The following FOXJ3 variants were observed in gnomAD, a reference collection of about 807,000 sequenced individuals.
FOXJ3 encodes forkhead box protein J3.
Under a neutral mutation model 76.1 loss-of-function variants are expected in FOXJ3, and 22 were observed. The ratio of observed to expected loss-of-function variants is 0.29; its 90% CI spans 0.21 to 0.41. The LOEUF (loss-of-function observed/expected upper bound fraction) is 0.41. FOXJ3 is among the 10% of genes least tolerant of loss of function. The probability of loss-of-function intolerance (pLI) is 1.00; values close to 1 mark genes in which losing one functional copy is unlikely to be tolerated. For synonymous variants in FOXJ3, 269 were observed against 261.2 expected (o/e 1.03, Z -0.29); for missense variants, 613 against 762.1 (o/e 0.80, Z 2.30).
intron 1 of FOXJ3, among the ~76,000 whole-genome samples, chr1:42,331,100 A>T (rs1656133078): frequency 6.6e-6 from 1 of 152,042 alleles, no homozygotes; most frequent in Non-Finnish European, 1.5e-5. Context: ...AAGAAACTTG[A>T]CCAGGCGCGG....
At chr1:42,205,884 A>G (rs781435711) in intron 5 of FOXJ3, 21 bp from the exon 6 acceptor site, 2 of 1,403,082 alleles carry the variant, frequency 1.4e-6, no homozygotes, top group South Asian at 2.4e-5. Flanking sequence ...AGAACAAAAT[A>G]AATAATTATT....
intron 4 of FOXJ3, among the ~76,000 whole-genome samples, chr1:42,230,711 T>C (rs1178121810): frequency 2.0e-5 from 3 of 152,256 alleles, no homozygotes; most frequent in East Asian, 1.9e-4. Context: ...TCAACCTGTA[T>C]TGGCAAGCAC....
intron 12 of FOXJ3, 51 bp from the exon 13 acceptor site, chr1:42,179,876 A>C (rs1305655580): frequency 1.8e-6 from 2 of 1,131,162 alleles, no homozygotes; most frequent in South Asian, 2.5e-5. Flanking sequence ...GAAGAAAGTA[A>C]GAAATAAACT....
At chr1:42,200,097 C>A (rs966298715) in intron 6 of FOXJ3, among the ~76,000 whole-genome samples, 13 of 150,994 alleles carry the variant, frequency 8.6e-5, no homozygotes, top group Non-Finnish European at 5.9e-5. Flanking sequence ...CATGGACTCT[C>A]TACAAAGGTC....
intron 6 of FOXJ3, 89 bp downstream of exon 6, chr1:42,205,673 G>T: frequency 1.3e-6 from 1 of 766,498 alleles, no homozygotes; most frequent in South Asian, 1.7e-5. Flanking sequence ...TCTTTAAACT[G>T]AACCATATAG....
chr1:42,317,514 TAAA>T (rs11365048), intron 1 of FOXJ3, among the ~76,000 whole-genome samples: 1,291 of 106,370 alleles, frequency 0.012, 19 homozygotes, highest in African/African-American at 0.041. Flanking sequence ...AGAGAAACCA[TAAA>T]AAAAAAAAAA....
chr1:42,277,362 TAAA>T (rs111348093), intron 3 of FOXJ3, among the ~76,000 whole-genome samples: 21 of 147,510 alleles, frequency 1.4e-4, no homozygotes, highest in Non-Finnish European at 2.8e-4. Flanking sequence ...TGTCTCTAAT[TAAA>T]AAAAAAAAAA....
chr1:42,245,402 A>G (rs1268156004), intron 4 of FOXJ3, among the ~76,000 whole-genome samples: 1 of 152,198 alleles, frequency 6.6e-6, no homozygotes, highest in Non-Finnish European at 1.5e-5. Context: ...TCTGATGTTC[A>G]CAGACACAAA....
chr1:42,300,452 C>T (rs1570197721), intron 2 of FOXJ3, among the ~76,000 whole-genome samples: 1 of 152,010 alleles, frequency 6.6e-6, no homozygotes, highest in East Asian at 1.9e-4. Flanking sequence ...CCTTCATGTA[C>T]AAAGCTTATT....
intron 1 of FOXJ3, among the ~76,000 whole-genome samples, chr1:42,327,347 C>T (rs1655898981): frequency 6.6e-6 from 1 of 152,198 alleles, no homozygotes; most frequent in Admixed American, 6.5e-5. Flanking sequence ...TAACAGTCTG[C>T]TCCATCCTCA....
At chr1:42,308,004 C>A (rs977657037) in intron 2 of FOXJ3, among the ~76,000 whole-genome samples, 52 of 152,166 alleles carry the variant, frequency 3.4e-4, no homozygotes, top group African/African-American at 1.1e-3. Flanking sequence ...TTTTAATTCA[C>A]TTACTAACTA....
At chr1:42,223,883 C>G (rs1042647542) in intron 5 of FOXJ3, among the ~76,000 whole-genome samples, 7 of 152,218 alleles carry the variant, frequency 4.6e-5, no homozygotes, top group Non-Finnish European at 1.0e-4. Context: ...ACAGCACAAA[C>G]TGTGAAGGCA....
chr1:42,242,352 G>T (rs1649209501), intron 4 of FOXJ3, among the ~76,000 whole-genome samples: 1 of 151,742 alleles, frequency 6.6e-6, no homozygotes, highest in Non-Finnish European at 1.5e-5. Context: ...CAAATAAACA[G>T]TACAAAGAAA....
chr1:42,307,708 A>C (rs1466961913), intron 2 of FOXJ3, among the ~76,000 whole-genome samples: 1 of 152,224 alleles, frequency 6.6e-6, no homozygotes, highest in Admixed American at 6.5e-5. Context: ...TTAAAATTAC[A>C]GAGTATACTT....
chr1:42,199,826 A>C (rs1195715300), intron 6 of FOXJ3, among the ~76,000 whole-genome samples: 1 of 151,812 alleles, frequency 6.6e-6, no homozygotes, highest in African/African-American at 2.4e-5. Context: ...AGGATTCCTG[A>C]AGACTTTTAC....
At chr1:42,324,093 A>ATATATAG in intron 1 of FOXJ3, among the ~76,000 whole-genome samples, 1 of 126,840 alleles carries the variant, frequency 7.9e-6, no homozygotes, top group African/African-American at 3.3e-5. Flanking sequence ...TATATACTGT[A>ATATATAG]TATATACTGT....
Position 42,240,877 on chromosome 1 carries a change from T to C in FOXJ3, c.445-12911A>G, listed in dbSNP as rs116478869. ...AATTTATCAAAATTGCAAACTTGTT[T>C]TGTCAACAGACACTATTAAGAAAGT... On this transcript the variant is annotated intron_variant, in intron 4 of 12. Transcript: ENST00000361346. Among the ~76,000 whole-genome samples, 1,085 of 152,356 alleles carry C rather than the reference T, an allele frequency of 7.1e-3. 21 individuals carry two copies. The highest frequency in any genetic ancestry group is 0.025 in the African/African-American group (1,048 of 41,576).
At chr1:42,327,951 T>G (rs1371402104) in intron 1 of FOXJ3, among the ~76,000 whole-genome samples, 1 of 152,170 alleles carries the variant, frequency 6.6e-6, no homozygotes, top group Non-Finnish European at 1.5e-5. Flanking sequence ...TCTACATTGA[T>G]TTGAAGACAA....
At chr1:42,214,271 G>A (rs897983398) in intron 5 of FOXJ3, among the ~76,000 whole-genome samples, 1 of 152,128 alleles carries the variant, frequency 6.6e-6, no homozygotes, top group Non-Finnish European at 1.5e-5. Flanking sequence ...TCACTCAATA[G>A]CATGGTACAT....
Sources: gnomAD v4.1 joint callset for allele counts (sites outside exome capture counted in the v4.1 genomes callset) on GRCh38, gnomAD v4.1.1 for gene constraint, MANE v1.5 for transcripts, NCBI Gene and HGNC (gene_info 2026-07-23, HGNC 2026-07-21) for gene names.